MYCBP2: variants seen among roughly 807,000 people sequenced by gnomAD.
MYCBP2 encodes the protein MYC binding protein 2.
Under a neutral mutation model 525.3 loss-of-function variants are expected in MYCBP2, and 120 were observed. The ratio of observed to expected loss-of-function variants is 0.23; its 90% CI spans 0.20 to 0.27. The LOEUF (loss-of-function observed/expected upper bound fraction) is 0.27. Ranked by LOEUF, MYCBP2 falls within the 10% of genes least tolerant of loss-of-function variation. The pLI, the probability that MYCBP2 is intolerant of heterozygous loss-of-function variation, is 1.00. For synonymous variants in MYCBP2, 1,894 were observed against 1,955.8 expected, an observed-to-expected ratio of 0.97 and a Z score of 0.83; for missense variants, 4,149 against 5,657.1, an observed-to-expected ratio of 0.73 and a Z score of 8.55.
chr13:77,131,556 T>C (rs2052848554), intron 52 of MYCBP2, among the ~76,000 whole-genome samples: 2 of 151,382 alleles, frequency 1.3e-5, no homozygotes, highest in African/African-American at 2.4e-5. Flanking sequence ...ATAGTGTTCT[T>C]TGGAAATTTA....
At chr13:77,274,079 A>G (rs2075225533) in intron 4 of MYCBP2, among the ~76,000 whole-genome samples, 1 of 152,224 alleles carries the variant, frequency 6.6e-6, no homozygotes, top group Admixed American at 6.5e-5. Flanking sequence ...AACATAAAAC[A>G]TATGCAATAA....
chr13:77,212,052 C>G lies in MYCBP2; in HGVS notation c.3166G>C (p.Ala1056Pro). The G allele has an allele frequency of 6.2e-7, 1 of 1,614,098 alleles. No homozygotes were observed. Among genetic ancestry groups the G allele is most frequent in the Non-Finnish European group, 8.5e-7 (1 of 1,179,956 alleles). Residue 1056 changes from alanine (A) to proline (P), a missense_variant, in exon 22 of 83, where the codon GCA becomes CCA. By Grantham distance (27) the Ala-to-Pro change is conservative. Coordinates refer to ENST00000544440, the MANE Select transcript of MYCBP2 (RefSeq NM_015057.5). ...KYGRKATWIGASGDQTFLRID... is the reference protein window; with the variant it reads ...KYGRKATWIGPSGDQTFLRID... ...CGTAAAAAAGTTTGGTCCCCACTTG[C>G]ACCTATCCAAGTAGCTTTTCTTCCA...
chr13:77,115,210 G>A (rs2049512843), intron 55 of MYCBP2, among the ~76,000 whole-genome samples: 1 of 151,792 alleles, frequency 6.6e-6, no homozygotes, highest in Non-Finnish European at 1.5e-5. Flanking sequence ...GAAGGTACAG[G>A]ACATAAAATG....
At chr13:77,048,561 A>G (rs951979046) in intron 82 of MYCBP2, among the ~76,000 whole-genome samples, 1 of 152,192 alleles carries the variant, frequency 6.6e-6, no homozygotes, top group African/African-American at 2.4e-5. Context: ...TGGATGAGTT[A>G]GAGGGATGTG....
intron 2 of MYCBP2, among the ~76,000 whole-genome samples, chr13:77,288,971 A>G (rs1047933926): frequency 3.3e-5 from 5 of 152,186 alleles, no homozygotes; most frequent in African/African-American, 1.2e-4. Flanking sequence ...ATTTGTTAAG[A>G]CTAAACAGTT....
At chr13:77,217,535 AC>A (rs2064995751) in intron 21 of MYCBP2, among the ~76,000 whole-genome samples, 1 of 152,184 alleles carries the variant, frequency 6.6e-6, no homozygotes, top group Non-Finnish European at 1.5e-5. Context: ...ATGAGAAATA[AC>A]CTTTCCTATG....
chr13:77,124,252 A>G (rs1013436836), intron 54 of MYCBP2, among the ~76,000 whole-genome samples: 3 of 152,178 alleles, frequency 2.0e-5, no homozygotes, highest in Non-Finnish European at 4.4e-5. Context: ...ATTTAAGATT[A>G]TATCACCTAC....
chr13:77,084,610 T>C (rs1311992236), intron 62 of MYCBP2, among the ~76,000 whole-genome samples: 4 of 152,126 alleles, frequency 2.6e-5, no homozygotes, highest in Non-Finnish European at 4.4e-5. Context: ...ATGGTCTGTA[T>C]TCCTTGAGTA....
chr13:77,094,753 A>ACC (rs1307278680), intron 58 of MYCBP2, among the ~76,000 whole-genome samples: 1 of 152,162 alleles, frequency 6.6e-6, no homozygotes, highest in Non-Finnish European at 1.5e-5. Flanking sequence ...CCCTCTGGGA[A>ACC]GCCTTTTCTG....
Position 77,081,497 on chromosome 13 carries a change from G to T in MYCBP2, c.11348C>A (p.Thr3783Asn). 6.2e-7 allele frequency: 1 copy of T among 1,613,288 alleles called. No homozygotes were observed. The highest frequency in any genetic ancestry group is 1.1e-5 in the South Asian group (1 of 91,054). ...DEDKNKTKNI[T>N]INCVKGINAR... ...ATTGATTCCTTTTACACAGTTGATG[G>T]TGATGTTCTTAGTTTTGTTTTTATC... Residue 3783 changes from threonine (T) to asparagine (N), a missense_variant, in exon 65 of 83, where the codon ACC becomes AAC. Thr to Asn is a moderately conservative substitution (Grantham distance 65). Around this residue, in one of 21 missense-constraint regions of MYCBP2, gnomAD observed 509 missense variants for 789.4 expected, o/e 0.64. Coordinates refer to ENST00000544440, the MANE Select transcript of MYCBP2 (RefSeq NM_015057.5). This position sits in a 1 kb window ranked among gnomAD's most constrained non-coding sequence, Gnocchi z 4.6.
intron 72 of MYCBP2, among the ~76,000 whole-genome samples, chr13:77,065,136 G>T (rs971141808): frequency 1.3e-5 from 2 of 151,976 alleles, no homozygotes; most frequent in African/African-American, 4.8e-5. Flanking sequence ...AATATAAACA[G>T]GTTCAAACTG....
At chr13:77,264,046 C>T in intron 8 of MYCBP2, 44 bp from the exon 9 acceptor site, 1 of 1,526,322 alleles carries the variant, frequency 6.6e-7, no homozygotes, top group African/African-American at 1.4e-5. Flanking sequence ...CAAGCAAACA[C>T]CTTGCAAAAT....
At position 77,061,725 on chromosome 13, in the gene MYCBP2, A is replaced by G; in HGVS notation, c.12840T>C (p.Asn4280=). The change falls in exon 75 of 83, where the codon AAT becomes AAC. Residue 4280 remains asparagine, a synonymous_variant. Coordinates refer to ENST00000544440, the MANE Select transcript of MYCBP2 (RefSeq NM_015057.5). Reference sequence around the variant, plus strand: ...GGAATCTGTCACAGTCTGTACATAAATTTCCACAGACATTGCATAAAATGA... The same window carrying G: ...GGAATCTGTCACAGTCTGTACATAAGTTTCCACAGACATTGCATAAAATGA... ...AAIILCNVCG[N]LCTDCDRFLH... 1.9e-6 allele frequency: 3 copies of G among 1,612,104 alleles called. No individual in the cohort carries two copies. Among genetic ancestry groups the G allele is most frequent in the Non-Finnish European group, 1.7e-6 (2 of 1,179,036 alleles).
Position 77,109,144 on chromosome 13 carries a change from G to A in MYCBP2, c.8141-10131C>T, listed in dbSNP as rs139650163. Reference sequence around the variant, plus strand: ...TATTCTTATGTGGCAGGTAGAGGACGGTTTCCTTAGTTCTCTAACACAATG... The same window carrying A: ...TATTCTTATGTGGCAGGTAGAGGACAGTTTCCTTAGTTCTCTAACACAATG... On this transcript the variant is annotated intron_variant, in intron 55 of 82. Coordinates refer to ENST00000544440, the MANE Select transcript of MYCBP2 (RefSeq NM_015057.5). Among the ~76,000 whole-genome samples the A allele has an allele frequency of 1.6e-3, 241 of 152,254 alleles. 1 individual carries two copies. Among genetic ancestry groups the A allele is most frequent in the Admixed American group, 0.014 (207 of 15,282 alleles).
Position 77,326,918 on chromosome 13 carries a change from G to A in MYCBP2, c.-143C>T, listed in dbSNP as rs2082389750. 1.4e-6 allele frequency: 1 copy of A among 708,950 alleles called. No individual in the cohort carries two copies. Among genetic ancestry groups the A allele is most frequent in the Non-Finnish European group, 2.0e-6 (1 of 492,396 alleles). The allele number at this position is 708,950 out of a possible 1,614,324, so 43.9% of individuals were successfully genotyped here. The stretch of plus-strand genomic sequence containing the variant: ...GCAGCAGGGAGACTACAAAGACAGC[G>A]ACCTCCTTCTCCTCCTCCTTCTTCT... On this transcript the variant is annotated 5_prime_UTR_variant, in exon 1 of 83. Coordinates refer to ENST00000544440, the MANE Select transcript of MYCBP2 (RefSeq NM_015057.5). The surrounding 1 kb of genome is among the most constrained non-coding windows in gnomAD (Gnocchi z 4.2).
intron 21 of MYCBP2, 140 bp from the exon 22 acceptor site, chr13:77,212,300 T>C (rs1218344672): frequency 1.7e-6 from 1 of 605,870 alleles, no homozygotes; most frequent in Non-Finnish European, 2.7e-6. Context: ...TTAAAATAAA[T>C]ACAATATGTA....
At chr13:77,290,766 A>G (rs1436555584) in intron 2 of MYCBP2, among the ~76,000 whole-genome samples, 2 of 152,172 alleles carry the variant, frequency 1.3e-5, no homozygotes, top group African/African-American at 4.8e-5. Context: ...TTGTGATGGA[A>G]CTGCTGTATA....
intron 60 of MYCBP2, among the ~76,000 whole-genome samples, chr13:77,089,438 C>T (rs929701518): frequency 6.6e-6 from 1 of 152,062 alleles, no homozygotes; most frequent in African/African-American, 2.4e-5. Flanking sequence ...GGACAATCTT[C>T]AATAATGTTT....
At chr13:77,070,745 T>C in intron 68 of MYCBP2, 34 bp from the exon 69 acceptor site, 1 of 1,270,952 alleles carries the variant, frequency 7.9e-7, no homozygotes, top group Non-Finnish European at 1.1e-6. Context: ...AAAAAAAGAA[T>C]GAAGTGGTCT....
Sources: allele counts gnomAD v4.1 joint callset (sites outside exome capture counted in the v4.1 genomes callset), GRCh38; gene constraint gnomAD v4.1.1; regional missense constraint gnomAD v4.1.1; non-coding constraint Gnocchi (gnomAD v3.1); transcripts MANE v1.5; gene names NCBI Gene and HGNC (gene_info 2026-07-23, HGNC 2026-07-21).